GALNT13: variants seen among roughly 807,000 people sequenced by gnomAD.
The protein encoded by GALNT13 is UDP-GalNAc:polypeptide N-acetylgalactosaminyltransferase 13.
Under a neutral mutation model 64.2 loss-of-function variants are expected in GALNT13, and 28 were observed. That is an observed-to-expected ratio of 0.44 (90% confidence interval 0.32 to 0.60). The LOEUF (loss-of-function observed/expected upper bound fraction) is 0.60. GALNT13 is among the 20% of genes least tolerant of loss of function. The pLI is 0.05. For missense variants in GALNT13, 577 were observed against 669.8 expected (o/e 0.86, Z 1.53); for synonymous variants, 214 against 224.6 (o/e 0.95, Z 0.42).
intron 3 of GALNT13, among the ~76,000 whole-genome samples, chr2:154,025,560 T>G (rs944723056): frequency 6.6e-6 from 1 of 152,196 alleles, no homozygotes; most frequent in Non-Finnish European, 1.5e-5. Flanking sequence ...TTATTCAGTA[T>G]TATCCCACTT....
intron 1 of GALNT13, among the ~76,000 whole-genome samples, chr2:153,875,346 T>C (rs1029552370): frequency 6.6e-6 from 1 of 152,178 alleles, no homozygotes; most frequent in African/African-American, 2.4e-5. Context: ...ATAAATCACT[T>C]GATACTGTAC....
At chr2:154,339,557 A>G (rs772156519) in intron 9 of GALNT13, among the ~76,000 whole-genome samples, 1 of 152,162 alleles carries the variant, frequency 6.6e-6, no homozygotes, top group Non-Finnish European at 1.5e-5. Context: ...GTTCTTATAG[A>G]GACATGTTTG....
At chr2:153,845,073 C>G in the GALNT13 span, among the ~76,000 whole-genome samples, 3 of 152,168 alleles carry the variant, frequency 2.0e-5, no homozygotes, top group African/African-American at 7.2e-5. Flanking sequence ...TTCTTTCAAG[C>G]CCTCCAAAGT....
chr2:153,403,639 T>G, the GALNT13 span, among the ~76,000 whole-genome samples: 1 of 152,106 alleles, frequency 6.6e-6, no homozygotes, highest in Non-Finnish European at 1.5e-5. Context: ...GATGCGCCGT[T>G]TTTCAAGCCG....
At chr2:153,110,475 CT>C in the GALNT13 span, among the ~76,000 whole-genome samples, 1 of 152,048 alleles carries the variant, frequency 6.6e-6, no homozygotes, top group African/African-American at 2.4e-5. Context: ...AAAATTTGGT[CT>C]GTTTTTTTCC....
At chr2:154,448,658 AATT>A (rs1574332737) in intron 12 of GALNT13, among the ~76,000 whole-genome samples, 1 of 152,156 alleles carries the variant, frequency 6.6e-6, no homozygotes, top group East Asian at 1.9e-4. Context: ...GTGTTTTTAA[AATT>A]ATTATTTGTG....
chr2:153,181,369 G>T, the GALNT13 span, among the ~76,000 whole-genome samples: 2 of 150,404 alleles, frequency 1.3e-5, no homozygotes, highest in East Asian at 3.9e-4. Flanking sequence ...AAAAAAAAAG[G>T]TACTTGATAT....
chr2:154,423,738 G>C (rs1161804105), intron 11 of GALNT13, among the ~76,000 whole-genome samples: 5 of 152,192 alleles, frequency 3.3e-5, no homozygotes, highest in African/African-American at 1.2e-4. Flanking sequence ...TACTCCAGGA[G>C]GTATAACATA....
the GALNT13 span, among the ~76,000 whole-genome samples, chr2:153,775,735 T>C: frequency 6.6e-6 from 1 of 152,144 alleles, no homozygotes; most frequent in Non-Finnish European, 1.5e-5. Flanking sequence ...TTCAAAGTTG[T>C]GCACTTATTT....
intron 7 of GALNT13, among the ~76,000 whole-genome samples, chr2:154,253,205 ATCCAATCTAGCTATGAAG>A (rs1690181485): frequency 6.6e-6 from 1 of 152,276 alleles, no homozygotes; most frequent in Admixed American, 6.5e-5. Flanking sequence ...TGGGGTTTGA[ATCCAATCTAGCTATGAAG>A]TCCAGACTTC....
intron 4 of GALNT13, among the ~76,000 whole-genome samples, chr2:154,183,524 A>G (rs1686080043): frequency 6.6e-6 from 1 of 152,102 alleles, no homozygotes; most frequent in African/African-American, 2.4e-5. Context: ...AAGCCTGGGC[A>G]ACATAGCAAA....
chr2:153,629,621 T>G, the GALNT13 span, among the ~76,000 whole-genome samples: 1 of 151,990 alleles, frequency 6.6e-6, no homozygotes, highest in African/African-American at 2.4e-5. Flanking sequence ...CCAAAAGCAA[T>G]GGCAACAAAA....
chr2:153,206,756 A>G, the GALNT13 span, among the ~76,000 whole-genome samples: 1 of 152,098 alleles, frequency 6.6e-6, no homozygotes, highest in Non-Finnish European at 1.5e-5. Context: ...TGATTATGAG[A>G]ACCAGCTAAA....
chr2:154,330,098 T>C (rs1205860038), intron 9 of GALNT13, among the ~76,000 whole-genome samples: 1 of 152,080 alleles, frequency 6.6e-6, no homozygotes, highest in South Asian at 2.1e-4. Context: ...ATGGGAAATA[T>C]CACCTTATGG....
At chr2:153,327,292 TC>T in the GALNT13 span, among the ~76,000 whole-genome samples, 6 of 152,072 alleles carry the variant, frequency 3.9e-5, no homozygotes, top group East Asian at 1.2e-3. Context: ...GGGTTGCTCT[TC>T]TCAAGGAGTA....
chr2:154,065,356 A>G (rs1119742), intron 3 of GALNT13, among the ~76,000 whole-genome samples: 114,979 of 152,022 alleles, frequency 0.76, 43,865 homozygotes, highest in East Asian at 0.96. Flanking sequence ...TCTGCTGATT[A>G]TAGATCCTTT....
At chr2:153,571,234 G>A in the GALNT13 span, among the ~76,000 whole-genome samples, 1 of 151,758 alleles carries the variant, frequency 6.6e-6, no homozygotes, top group Non-Finnish European at 1.5e-5. Context: ...AATGGGATTA[G>A]TTTTTAAATT....
chr2:153,865,543 A>G, the GALNT13 span, among the ~76,000 whole-genome samples: 1 of 95,914 alleles, frequency 1.0e-5, no homozygotes, highest in Non-Finnish European at 2.1e-5. Context: ...TTATGCAGCC[A>G]AAAAACACAT....
At chr2:153,301,799 A>G in the GALNT13 span, among the ~76,000 whole-genome samples, 11 of 152,008 alleles carry the variant, frequency 7.2e-5, no homozygotes, top group African/African-American at 2.4e-4. Context: ...TTCACTTAAC[A>G]TAATGTCCTC....
Sources: allele counts gnomAD v4.1 joint callset (sites outside exome capture counted in the v4.1 genomes callset), GRCh38; gene constraint gnomAD v4.1.1; transcripts MANE v1.5; gene names NCBI Gene and HGNC (gene_info 2026-07-23, HGNC 2026-07-21).